Variants in NRXN1 observed in about 807,000 individuals in gnomAD.
NRXN1 encodes neurexin-1.
A neutral mutation model predicts 150.9 loss-of-function variants in NRXN1; 39 were observed. The observed-to-expected ratio is 0.26, with a 90% CI of 0.20 to 0.34. The LOEUF (loss-of-function observed/expected upper bound fraction) is 0.34, where lower values mean the gene tolerates loss of function less well. Ranked by LOEUF, NRXN1 falls within the 10% of genes least tolerant of loss-of-function variation. The pLI, the probability that NRXN1 is intolerant of heterozygous loss-of-function variation, is 1.00. For missense variants in NRXN1, 1,815 were observed against 1,949.9 expected, an observed-to-expected ratio of 0.93 and a Z score of 1.30; for synonymous variants, 924 against 757.0, an observed-to-expected ratio of 1.22 and a Z score of -3.62.
At chr2:50,556,633 T>C (rs538830848) in intron 8 of NRXN1, among the ~76,000 whole-genome samples, 1 of 152,176 alleles carries the variant, frequency 6.6e-6, no homozygotes, top group East Asian at 1.9e-4. Context: ...TATGCAAGAA[T>C]AGGGCGTAAT....
In NRXN1 at chr2:50,393,174, A is replaced by T. The variant is rs567330281; in HGVS notation, c.3364+72268T>A. The stretch of plus-strand genomic sequence containing the variant: ...AGGGCCCTCTCCATACCAAAAAAAA[A>T]AATAATAATAAAACATATGTATACT... On this transcript the variant is annotated intron_variant, in intron 17 of 22. Coordinates refer to ENST00000401669, the MANE Select transcript of NRXN1 (RefSeq NM_001330078.2). Among the ~76,000 whole-genome samples the T allele has an allele frequency of 2.9e-3, 434 of 147,686 alleles. 8 individuals carry two copies. The highest frequency in any genetic ancestry group is 2.9e-3 in the Admixed American group (42 of 14,648).
chr2:50,540,109 C>A (rs900890870), intron 9 of NRXN1, among the ~76,000 whole-genome samples: 1 of 151,832 alleles, frequency 6.6e-6, no homozygotes, highest in African/African-American at 2.4e-5. Context: ...CTCAGGTGGC[C>A]GAGTCATTAA....
chr2:50,934,252 A>T (rs1412274601), intron 2 of NRXN1, among the ~76,000 whole-genome samples: 1 of 152,158 alleles, frequency 6.6e-6, no homozygotes, highest in African/African-American at 2.4e-5. Flanking sequence ...GTTAACGTGA[A>T]TAGAAGAAAA....
Position 50,506,637 on chromosome 2 carries a change from G to C in NRXN1, c.2375-20C>G, listed in dbSNP as rs776794965. 1.2e-6 allele frequency: 2 copies of C among 1,611,562 alleles called. No homozygotes were observed. The highest frequency in any genetic ancestry group is 1.7e-6 in the Non-Finnish European group (2 of 1,178,466). ...CTTTGCCTGTAGAATATGCCAAACA[G>C]TCATTATGGACACTCAGAATCAGTC... On this transcript the variant is annotated intron_variant, in intron 12 of 22. Transcript: ENST00000401669.
At chr2:50,976,159 T>C (rs2104830982) in intron 2 of NRXN1, among the ~76,000 whole-genome samples, 1 of 151,882 alleles carries the variant, frequency 6.6e-6, no homozygotes. Context: ...AGACACTCTA[T>C]TAATTTACTT....
intron 18 of NRXN1, among the ~76,000 whole-genome samples, chr2:50,177,973 T>G (rs2060457695): frequency 6.6e-6 from 1 of 152,028 alleles, no homozygotes; most frequent in South Asian, 2.1e-4. Flanking sequence ...GTTCTAGTCC[T>G]ATGATGGATT....
At chr2:50,598,646 GTATC>G (rs997689603) in intron 8 of NRXN1, among the ~76,000 whole-genome samples, 1 of 144,836 alleles carries the variant, frequency 6.9e-6, no homozygotes, top group African/African-American at 2.5e-5. Flanking sequence ...ATATGTGTGT[GTATC>G]TATATACATA....
chr2:50,163,730 C>A (rs2059506246), intron 18 of NRXN1, among the ~76,000 whole-genome samples: 1 of 152,080 alleles, frequency 6.6e-6, no homozygotes, highest in African/African-American at 2.4e-5. Context: ...TTTACTTTTT[C>A]TTGACGTGTG....
intron 5 of NRXN1, among the ~76,000 whole-genome samples, chr2:50,873,522 GT>G (rs1678107473): frequency 6.6e-6 from 1 of 151,810 alleles, no homozygotes; most frequent in Admixed American, 6.6e-5. Context: ...AATTCTGGCA[GT>G]TTTGGAGCAG....
At position 50,346,381 on chromosome 2, in the gene NRXN1, C is replaced by A. The variant is rs1439469033; in HGVS notation, c.3365-109411G>T. ...CGGCCACTGAGTGACCTTCTGGCAA[C>A]TGACGCCCCCTTCCCGCGGGGCCCA... On this transcript the variant is annotated intron_variant, in intron 17 of 22. Coordinates refer to ENST00000401669, the MANE Select transcript of NRXN1 (RefSeq NM_001330078.2). The surrounding 1 kb of genome is among the most constrained non-coding windows in gnomAD (Gnocchi z 5.0). Among the ~76,000 whole-genome samples the A allele has an allele frequency of 6.6e-6, 1 of 152,142 alleles. No individual in the cohort carries two copies. Among genetic ancestry groups the A allele is most frequent in the South Asian group, 2.1e-4 (1 of 4,822 alleles).
chr2:50,513,254 T>C (rs1038941790), intron 12 of NRXN1, among the ~76,000 whole-genome samples: 4 of 152,210 alleles, frequency 2.6e-5, no homozygotes, highest in Admixed American at 6.5e-5. Context: ...AGTGCATGAG[T>C]TCTGCAAACC....
At chr2:50,627,212 T>C (rs1461109370) in intron 5 of NRXN1, among the ~76,000 whole-genome samples, 1 of 151,818 alleles carries the variant, frequency 6.6e-6, no homozygotes, top group Non-Finnish European at 1.5e-5. Context: ...ATTTCACATA[T>C]TACAAAGAAC....
At chr2:50,210,686 T>C (rs1292526287) in intron 18 of NRXN1, among the ~76,000 whole-genome samples, 1 of 151,646 alleles carries the variant, frequency 6.6e-6, no homozygotes, top group Non-Finnish European at 1.5e-5. Flanking sequence ...TATTTCATTG[T>C]TGTTTTGACT....
chr2:50,210,772 G>C (rs902352569), intron 18 of NRXN1, among the ~76,000 whole-genome samples: 1 of 151,338 alleles, frequency 6.6e-6, no homozygotes, highest in Non-Finnish European at 1.5e-5. Context: ...TTATGAAATT[G>C]AATAAAGCAC....
chr2:50,057,958 T>C (rs1693904853), intron 19 of NRXN1, among the ~76,000 whole-genome samples: 1 of 152,108 alleles, frequency 6.6e-6, no homozygotes, highest in Admixed American at 6.5e-5. Flanking sequence ...TAGTTATTAT[T>C]AGTAGGGAAA....
intron 5 of NRXN1, among the ~76,000 whole-genome samples, chr2:50,914,405 A>C (rs1050415719): frequency 2.0e-5 from 3 of 151,762 alleles, no homozygotes; most frequent in African/African-American, 4.8e-5. Flanking sequence ...CGTCGCAATG[A>C]ATCATGCTAT....
At chr2:50,465,690 A>C in intron 16 of NRXN1, 129 bp from the exon 17 acceptor site, 1 of 886,154 alleles carries the variant, frequency 1.1e-6, no homozygotes, top group African/African-American at 1.7e-5. Context: ...TTAAAGTTCT[A>C]GTTCACACAC....
chr2:50,341,206 T>C (rs1182986545), intron 17 of NRXN1, among the ~76,000 whole-genome samples: 1 of 152,126 alleles, frequency 6.6e-6, no homozygotes, highest in African/African-American at 2.4e-5. Context: ...ATCTCTGTTG[T>C]CACATCTGTA....
intron 5 of NRXN1, among the ~76,000 whole-genome samples, chr2:50,808,627 C>A (rs1667822762): frequency 6.6e-6 from 1 of 152,076 alleles, no homozygotes; most frequent in Non-Finnish European, 1.5e-5. Context: ...AGGGCCCACA[C>A]AATCTAAGCA....
Sources: allele counts gnomAD v4.1 joint callset (sites outside exome capture counted in the v4.1 genomes callset), GRCh38; gene constraint gnomAD v4.1.1; non-coding constraint Gnocchi (gnomAD v3.1); transcripts MANE v1.5; gene names NCBI Gene and HGNC (gene_info 2026-07-23, HGNC 2026-07-21).